RIMS1: variants seen among roughly 807,000 people sequenced by gnomAD.
RIMS1 encodes the protein regulating synaptic membrane exocytosis protein 1.
A neutral mutation model predicts 214.1 loss-of-function variants in RIMS1; 83 were observed. The ratio of observed to expected loss-of-function variants is 0.39; its 90% CI spans 0.32 to 0.47. The LOEUF is 0.47. RIMS1 is among the 20% of genes least tolerant of loss of function. The pLI is 0.99. For synonymous variants in RIMS1, 793 were observed against 786.8 expected, an observed-to-expected ratio of 1.01 and a Z score of -0.13; for missense variants, 2,050 against 2,161.8, an observed-to-expected ratio of 0.95 and a Z score of 1.03.
chr6:71,954,468 C>G (rs1790576898), intron 1 of RIMS1, among the ~76,000 whole-genome samples: 1 of 152,036 alleles, frequency 6.6e-6, no homozygotes, highest in African/African-American at 2.4e-5. Context: ...CCTACATAAA[C>G]CTGTTTCTTA....
chr6:72,313,139 G>A (rs1434801457), intron 27 of RIMS1, among the ~76,000 whole-genome samples: 3 of 151,850 alleles, frequency 2.0e-5, no homozygotes, highest in Non-Finnish European at 4.4e-5. Context: ...TAGAGTAGAA[G>A]GTGAATAAAA....
chr6:72,347,844 C>T (rs2097317652), intron 29 of RIMS1, among the ~76,000 whole-genome samples: 1 of 151,774 alleles, frequency 6.6e-6, no homozygotes, highest in African/African-American at 2.4e-5. Flanking sequence ...TTTTTTAAGT[C>T]CTATAAGACT....
At chr6:72,280,911 A>C (rs1210600866) in intron 23 of RIMS1, among the ~76,000 whole-genome samples, 2 of 152,162 alleles carry the variant, frequency 1.3e-5, no homozygotes, top group Non-Finnish European at 2.9e-5. Flanking sequence ...CAAATACTAC[A>C]ATACTGAGTA....
chr6:72,028,052 T>C (rs984041060), intron 2 of RIMS1, among the ~76,000 whole-genome samples: 6 of 152,144 alleles, frequency 3.9e-5, no homozygotes, highest in African/African-American at 1.4e-4. Flanking sequence ...ATGTACCAGG[T>C]TGTATAGGCT....
chr6:72,254,677 C>G (rs187604291), intron 16 of RIMS1, among the ~76,000 whole-genome samples: 1 of 152,118 alleles, frequency 6.6e-6, no homozygotes, highest in Non-Finnish European at 1.5e-5. Context: ...TAAATAAATG[C>G]TTGCACAAAT....
intron 1 of RIMS1, among the ~76,000 whole-genome samples, chr6:71,919,261 A>G (rs1779296798): frequency 6.6e-6 from 1 of 152,128 alleles, no homozygotes; most frequent in Non-Finnish European, 1.5e-5. Flanking sequence ...AATGAAACTA[A>G]TAGAGATTCA....
chr6:71,886,946 G>C lies in RIMS1; in HGVS notation c.-78G>C. On this transcript the variant is annotated 5_prime_UTR_variant, in exon 1 of 34. Transcript: ENST00000521978. ...GCTAGGGCTCCGCTGTGAGGGGGAAGCAGGGGCGCAGCTGCTGGGCGTGCA... is the reference window on the plus strand; with the variant it reads ...GCTAGGGCTCCGCTGTGAGGGGGAACCAGGGGCGCAGCTGCTGGGCGTGCA... The C allele has an allele frequency of 6.6e-7, 1 of 1,518,204 alleles. No individual in the cohort carries two copies. Among genetic ancestry groups the C allele is most frequent in the Non-Finnish European group, 8.9e-7 (1 of 1,118,446 alleles). The allele number at this position is 1,518,204 out of a possible 1,614,324, so 94.0% of individuals were successfully genotyped here.
chr6:71,950,224 GACT>G (rs973759911), intron 1 of RIMS1, among the ~76,000 whole-genome samples: 1 of 152,168 alleles, frequency 6.6e-6, no homozygotes, highest in Admixed American at 6.5e-5. Flanking sequence ...GAAGGAGGTT[GACT>G]ACAAGAGATA....
At chr6:72,186,788 C>CCG (rs33995489) in intron 6 of RIMS1, among the ~76,000 whole-genome samples, 1 of 151,384 alleles carries the variant, frequency 6.6e-6, no homozygotes, top group South Asian at 2.1e-4. Flanking sequence ...TACCCCCCCC[C>CCG]ATATATATGT....
intron 29 of RIMS1, among the ~76,000 whole-genome samples, chr6:72,367,996 A>G (rs2098091654): frequency 6.6e-6 from 1 of 152,160 alleles, no homozygotes; most frequent in Admixed American, 6.5e-5. Flanking sequence ...CGTGGAATAA[A>G]GGTATAAATG....
intron 17 of RIMS1, 109 bp from the exon 18 acceptor site, chr6:72,258,877 C>T (rs771570267): frequency 1.9e-6 from 2 of 1,026,586 alleles, no homozygotes; most frequent in Admixed American, 1.8e-5. Flanking sequence ...GATGCAAATA[C>T]TTTTCAGTGT....
At chr6:72,010,998 C>A (rs533131010) in intron 2 of RIMS1, among the ~76,000 whole-genome samples, 261 of 152,134 alleles carry the variant, frequency 1.7e-3, no homozygotes, top group Non-Finnish European at 2.4e-3. Flanking sequence ...CATATGGAAC[C>A]AAAAAAGAGC....
chr6:72,336,774 A>T (rs975860536), intron 29 of RIMS1, among the ~76,000 whole-genome samples: 1 of 151,756 alleles, frequency 6.6e-6, no homozygotes, highest in Non-Finnish European at 1.5e-5. Context: ...ATAACCCTCA[A>T]TTATCACTCC....
At chr6:72,144,268 AT>A (rs1410591091) in intron 4 of RIMS1, among the ~76,000 whole-genome samples, 1 of 152,188 alleles carries the variant, frequency 6.6e-6, no homozygotes, top group Non-Finnish European at 1.5e-5. Flanking sequence ...ATGGTTCTGA[AT>A]TTCAGAAAAG....
chr6:72,037,376 G>A (rs1225849128), intron 2 of RIMS1, among the ~76,000 whole-genome samples: 3 of 152,046 alleles, frequency 2.0e-5, no homozygotes, highest in Admixed American at 1.3e-4. Flanking sequence ...GGCTTTTGCT[G>A]TTCTAAGGCA....
chr6:72,067,045 A>G (rs1038056968), intron 2 of RIMS1, among the ~76,000 whole-genome samples: 2 of 152,116 alleles, frequency 1.3e-5, no homozygotes, highest in Non-Finnish European at 2.9e-5. Flanking sequence ...TGAATTGCTT[A>G]GGTGAACCCC....
intron 14 of RIMS1, 40 bp downstream of exon 14, chr6:72,251,132 A>G: frequency 6.4e-7 from 1 of 1,556,728 alleles, no homozygotes; most frequent in African/African-American, 1.4e-5. Flanking sequence ...ATAGTTAATA[A>G]AGTTTTGTGA....
At chr6:72,335,725 C>G (rs1451755236) in intron 29 of RIMS1, among the ~76,000 whole-genome samples, 3 of 152,010 alleles carry the variant, frequency 2.0e-5, no homozygotes, top group African/African-American at 7.2e-5. Flanking sequence ...CACATCCTCT[C>G]AAGCATCTGT....
At chr6:72,317,839 G>C (rs780004997) in intron 28 of RIMS1, among the ~76,000 whole-genome samples, 4 of 152,132 alleles carry the variant, frequency 2.6e-5, no homozygotes. Flanking sequence ...AAAATGCTCA[G>C]TTAAGATCTA....
Sources: gnomAD v4.1 joint callset for allele counts (sites outside exome capture counted in the v4.1 genomes callset) on GRCh38, gnomAD v4.1.1 for gene constraint, MANE v1.5 for transcripts, NCBI Gene and HGNC (gene_info 2026-07-23, HGNC 2026-07-21) for gene names.